Variants in FSTL5 observed in about 807,000 individuals in gnomAD.
The protein encoded by FSTL5 is follistatin like 5.
In FSTL5, 62 loss-of-function variants were observed where a neutral mutation model predicts 89.1. The observed-to-expected ratio is 0.70, with a 90% CI of 0.57 to 0.86. FSTL5 has a LOEUF of 0.86. Ranked by LOEUF, FSTL5 falls within the 40% of genes least tolerant of loss-of-function variation. The pLI, the probability that FSTL5 is intolerant of heterozygous loss-of-function variation, is 0.00. For synonymous variants in FSTL5, 383 were observed against 346.2 expected (o/e 1.11, Z -1.18); for missense variants, 1,057 against 1,001.6 (o/e 1.06, Z -0.75).
chr4:162,139,457 C>A (rs542493395), intron 1 of FSTL5, among the ~76,000 whole-genome samples: 58 of 88,766 alleles, frequency 6.5e-4, no homozygotes, highest in African/African-American at 2.0e-3. Context: ...CACACGCCCA[C>A]ACACACACAC....
chr4:161,992,673 T>A (rs1431404781), intron 3 of FSTL5, among the ~76,000 whole-genome samples: 1 of 150,778 alleles, frequency 6.6e-6, no homozygotes, highest in African/African-American at 2.4e-5. Flanking sequence ...CGAAACCCCA[T>A]CTCTACTAAG....
intron 13 of FSTL5, 65 bp from the exon 14 acceptor site, chr4:161,459,384 A>T (rs1199619916): frequency 1.1e-6 from 1 of 936,034 alleles, no homozygotes; most frequent in East Asian, 2.5e-5. Context: ...CTAGGCCAGA[A>T]ATTATGAAGA....
At chr4:162,043,337 C>G (rs1738044300) in intron 2 of FSTL5, 1 of 152,126 alleles carries the variant, frequency 6.6e-6, no homozygotes, top group Admixed American at 6.6e-5. Context: ...TTTGCAGTTT[C>G]CCAGTGCATG....
chr4:161,543,636 G>A (rs1343483737), intron 8 of FSTL5, among the ~76,000 whole-genome samples: 1 of 151,962 alleles, frequency 6.6e-6, no homozygotes, highest in African/African-American at 2.4e-5. Context: ...AGACTTGAGA[G>A]TGCAGAAATA....
At chr4:161,534,247 A>G (rs1731518478) in intron 10 of FSTL5, among the ~76,000 whole-genome samples, 1 of 152,182 alleles carries the variant, frequency 6.6e-6, no homozygotes, top group African/African-American at 2.4e-5. Flanking sequence ...AGGCAAGAGA[A>G]AGAAATAAAA....
chr4:161,865,639 C>T (rs1386628481), intron 4 of FSTL5, among the ~76,000 whole-genome samples: 1 of 152,100 alleles, frequency 6.6e-6, no homozygotes, highest in Non-Finnish European at 1.5e-5. Context: ...GCTTTCTTTA[C>T]AGGATATTTC....
At chr4:161,642,710 A>C (rs576986305) in intron 7 of FSTL5, among the ~76,000 whole-genome samples, 4 of 152,336 alleles carry the variant, frequency 2.6e-5, no homozygotes, top group African/African-American at 9.6e-5. Context: ...CCCAAAGAGA[A>C]ATACTGTATA....
At chr4:162,114,768 G>A (rs1189591252) in intron 1 of FSTL5, among the ~76,000 whole-genome samples, 1 of 152,004 alleles carries the variant, frequency 6.6e-6, no homozygotes, top group African/African-American at 2.4e-5. Context: ...ACTAAAAGTC[G>A]ATACAAATAA....
chr4:161,531,011 C>G (rs1731393794), intron 10 of FSTL5, among the ~76,000 whole-genome samples: 1 of 152,122 alleles, frequency 6.6e-6, no homozygotes, highest in African/African-American at 2.4e-5. Context: ...TGTGAGCAAC[C>G]ACACAATCCC....
intron 3 of FSTL5, among the ~76,000 whole-genome samples, chr4:161,979,494 T>A (rs1172045562): frequency 6.6e-6 from 1 of 152,058 alleles, no homozygotes; most frequent in African/African-American, 2.4e-5. Context: ...TTAGCTTGTC[T>A]TAAAAACAAA....
rs565578693 is a variant in FSTL5 at position 161,810,017 on chromosome 4, T to C, written c.410-33943A>G. The stretch of plus-strand genomic sequence containing the variant: ...ATGGTTTGAATCAAAATTTCATTGC[T>C]TACAAATTGGTGAGCCTAGACAAAT... On this transcript the variant is annotated intron_variant, in intron 4 of 15. Coordinates refer to ENST00000306100, the MANE Select transcript of FSTL5 (RefSeq NM_020116.5). 1.1e-3 allele frequency among the ~76,000 whole-genome samples: 162 copies of C among 152,132 alleles called. 2 individuals are homozygous for C. Among genetic ancestry groups the C allele is most frequent in the Non-Finnish European group, 1.8e-3 (123 of 68,008 alleles).
intron 7 of FSTL5, among the ~76,000 whole-genome samples, chr4:161,631,344 C>T (rs1578981010): frequency 6.6e-6 from 1 of 152,086 alleles, no homozygotes; most frequent in African/African-American, 2.4e-5. Flanking sequence ...TCATGCGGCC[C>T]GGCACGGTCA....
At chr4:161,467,565 G>C (rs1733789342) in intron 13 of FSTL5, among the ~76,000 whole-genome samples, 1 of 152,050 alleles carries the variant, frequency 6.6e-6, no homozygotes, top group African/African-American at 2.4e-5. Flanking sequence ...CATTTTACAT[G>C]TTGTTTTAAA....
intron 10 of FSTL5, among the ~76,000 whole-genome samples, chr4:161,533,403 C>A (rs762647766): frequency 6.6e-6 from 1 of 151,932 alleles, no homozygotes; most frequent in Non-Finnish European, 1.5e-5. Flanking sequence ...TACAAATGAT[C>A]CCTCAGAAAT....
intron 8 of FSTL5, among the ~76,000 whole-genome samples, chr4:161,562,346 A>C (rs2126572531): frequency 6.6e-6 from 1 of 152,154 alleles, no homozygotes; most frequent in East Asian, 1.9e-4. Context: ...TTTTAGGATT[A>C]GCCTGTCAAT....
chr4:161,501,234 T>C (rs1235379460), intron 11 of FSTL5, among the ~76,000 whole-genome samples: 1 of 152,142 alleles, frequency 6.6e-6, no homozygotes, highest in Admixed American at 6.6e-5. Flanking sequence ...TTTCTAAGCA[T>C]TATTAATTTT....
chr4:161,997,387 A>G (rs1390304841), intron 3 of FSTL5, among the ~76,000 whole-genome samples: 3 of 152,178 alleles, frequency 2.0e-5, no homozygotes, highest in African/African-American at 7.2e-5. Context: ...ACACATAACT[A>G]ACATCACTCC....
chr4:161,566,060 A>G (rs1035658972), intron 8 of FSTL5, among the ~76,000 whole-genome samples: 3 of 134,844 alleles, frequency 2.2e-5, no homozygotes, highest in Non-Finnish European at 4.7e-5. Context: ...TTTTCACTGC[A>G]TTTGTGCCAA....
At chr4:161,839,141 G>A (rs1044035466) in intron 4 of FSTL5, among the ~76,000 whole-genome samples, 8 of 151,796 alleles carry the variant, frequency 5.3e-5, no homozygotes, top group Non-Finnish European at 8.8e-5. Context: ...TTTATTTTCC[G>A]ATGCTAGAAG....
Sources: allele counts gnomAD v4.1 joint callset (sites outside exome capture counted in the v4.1 genomes callset), GRCh38; gene constraint gnomAD v4.1.1; transcripts MANE v1.5; gene names NCBI Gene and HGNC (gene_info 2026-07-23, HGNC 2026-07-21).